The following PATZ1 variants were observed in gnomAD, a reference collection of about 807,000 sequenced individuals.
PATZ1 encodes POZ/BTB and AT hook containing zinc finger 1, also known as POZ-, AT hook-, and zinc finger-containing protein 1.
PATZ1 carries 9 observed loss-of-function variants against 46.2 expected under a neutral mutation model. The ratio of observed to expected loss-of-function variants is 0.19; its 90% confidence interval spans 0.12 to 0.34. The LOEUF (loss-of-function observed/expected upper bound fraction) is 0.34, where lower values mean the gene tolerates loss of function less well. PATZ1 is among the 10% of genes least tolerant of loss of function. PATZ1 has a pLI of 1.00. For missense variants in PATZ1, 632 were observed against 923.0 expected (o/e 0.68, Z 4.08); for synonymous variants, 426 against 378.6 (o/e 1.13, Z -1.45).
At chr22:31,336,800 C>G (rs2049515925) in intron 2 of PATZ1, among the ~76,000 whole-genome samples, 1 of 127,388 alleles carries the variant, frequency 7.9e-6, no homozygotes, top group Non-Finnish European at 1.6e-5. Context: ...GTCAAGACTT[C>G]CTCTCAAAAA....
chr22:31,344,962 C>G lies in PATZ1; in HGVS notation c.641G>C (p.Arg214Pro). The G allele has an allele frequency of 6.2e-7, 1 of 1,613,830 alleles. No homozygotes were observed. The highest frequency in any genetic ancestry group is 8.5e-7 in the Non-Finnish European group (1 of 1,180,046). ...GCCTGCAATGGCTGCACCAGCCGCC[C>G]GAGCTGCCTCCTCCTCTGGCTGCAT... ...GSMQPEEEAA[R>P]AAGAAIAGQA... Residue 214 changes from arginine (R) to proline (P), a missense_variant, in exon 1 of 5, where the codon CGG becomes CCG. Around this residue, in one of 7 missense-constraint regions of PATZ1, gnomAD observed 279 missense variants for 284.3 expected, o/e 0.98. Coordinates refer to ENST00000266269, the MANE Select transcript of PATZ1 (RefSeq NM_014323.3).
chr22:31,342,245 G>C (rs1228123270), intron 2 of PATZ1, among the ~76,000 whole-genome samples: 2 of 152,134 alleles, frequency 1.3e-5, no homozygotes, highest in African/African-American at 2.4e-5. Context: ...CCAAGGGTGA[G>C]AATCTATCTG....
chr22:31,342,579 A>G (rs1034065354), intron 2 of PATZ1, among the ~76,000 whole-genome samples: 1 of 152,122 alleles, frequency 6.6e-6, no homozygotes, highest in Non-Finnish European at 1.5e-5. Flanking sequence ...TCCCAACACA[A>G]CATCTGTGTG....
chr22:31,340,338 C>T (rs180694929), intron 2 of PATZ1, among the ~76,000 whole-genome samples: 1 of 152,212 alleles, frequency 6.6e-6, no homozygotes. Context: ...ATGAGCGATA[C>T]GGACTGTGCC....
intron 3 of PATZ1, among the ~76,000 whole-genome samples, chr22:31,331,328 AG>A (rs2145813375): frequency 1.3e-5 from 2 of 149,898 alleles, no homozygotes; most frequent in African/African-American, 5.0e-5. Flanking sequence ...ATACCACTTT[AG>A]AAGGTAATTT....
chr22:31,336,785 A>C lies in PATZ1; in HGVS notation c.1336-922T>G, dbSNP rs1184419223. On this transcript the variant is annotated intron_variant, in intron 2 of 4. Transcript: ENST00000266269. ...CGTGTCACTGCACTCCAGCCTGGGC[A>C]ACAAGTCAAGACTTCCTCTCAAAAA... 4.1e-5 allele frequency among the ~76,000 whole-genome samples: 6 copies of C among 145,670 alleles called. No individual in the cohort carries two copies. The East Asian group carries it at 1.0e-3, about 25-fold the overall frequency.
At chr22:31,341,976 C>T (rs950043658) in intron 2 of PATZ1, among the ~76,000 whole-genome samples, 1 of 152,286 alleles carries the variant, frequency 6.6e-6, no homozygotes, top group East Asian at 1.9e-4. Context: ...TTCATCCCTC[C>T]CTGCTGGTCT....
chr22:31,344,387 C>G lies in PATZ1; in HGVS notation c.1216G>C (p.Asp406His). 6.2e-7 allele frequency: 1 copy of G among 1,614,082 alleles called. No individual in the cohort carries two copies. The highest frequency in any genetic ancestry group is 8.5e-7 in the Non-Finnish European group (1 of 1,179,962). ...DRMSYHVRSH[D>H]GSVGKPYICQ... ...ATGTAAGGCTTGCCCACGGACCCAT[C>G]ATGGGACCGCACATGGTAGGACATG... The change falls in exon 1 of 5, where the codon GAT becomes CAT. Residue 406 changes from aspartate (D) to histidine (H), a missense_variant. Physicochemically the swap from Asp to His is moderately conservative, Grantham distance 81. Around this residue, in one of 7 missense-constraint regions of PATZ1, gnomAD observed 55 missense variants for 169.0 expected, o/e 0.33. Coordinates refer to ENST00000266269, the MANE Select transcript of PATZ1 (RefSeq NM_014323.3).
chr22:31,340,747 C>T (rs1415996384), intron 2 of PATZ1: 1 of 1,052,500 alleles, frequency 9.5e-7, no homozygotes, highest in Non-Finnish European at 1.1e-6. Flanking sequence ...AAGGGCACAC[C>T]AATAAGGATC....
chr22:31,326,958 G>A lies in PATZ1; in HGVS notation c.1997C>T (p.Ser666Leu), dbSNP rs751943596. 7 of 1,613,984 alleles carry A rather than the reference G, an allele frequency of 4.3e-6. No individual in the cohort carries two copies. The highest frequency in any genetic ancestry group is 2.2e-5 in the East Asian group (1 of 44,874). Residue 666 changes from serine (S) to leucine (L), a missense_variant, in exon 5 of 5, where the codon TCG becomes TTG. By Grantham distance (145) the Ser-to-Leu change is moderately radical. Around this residue, in one of 7 missense-constraint regions of PATZ1, gnomAD observed 176 missense variants for 249.4 expected, o/e 0.71. Coordinates refer to ENST00000266269, the MANE Select transcript of PATZ1 (RefSeq NM_014323.3). ...LESFGFQIVQ[S>L]AFASSLVDPE... is the part of the protein sequence containing the mutation. ...ATCTACTAAAGATGACGCAAATGCC[G>A]ACTGAACAATCTGAAACCCAAAGGA...
At chr22:31,338,488 G>A (rs761643621) in intron 2 of PATZ1, among the ~76,000 whole-genome samples, 1 of 152,202 alleles carries the variant, frequency 6.6e-6, no homozygotes, top group East Asian at 1.9e-4. Context: ...GCCACATGTG[G>A]GCCCCACGTC....
In PATZ1 at chr22:31,325,988, T is replaced by A. The variant is rs978172986; in HGVS notation, c.*903A>T. 3.3e-5 allele frequency: 7 copies of A among 212,140 alleles called. No individual in the cohort carries two copies. Among genetic ancestry groups the A allele is most frequent in the African/African-American group, 1.6e-4 (7 of 44,136 alleles). 13.1% of individuals were successfully genotyped at this position (212,140 alleles called of 1,614,324 possible). On this transcript the variant is annotated 3_prime_UTR_variant, in exon 5 of 5. Coordinates refer to ENST00000266269, the MANE Select transcript of PATZ1 (RefSeq NM_014323.3). Reference sequence around the variant, plus strand: ...CTTCCCTGACCAGACTGGCATTTTTTAAAATTTTGCATAAAACTATTTCTT... The same window carrying A: ...CTTCCCTGACCAGACTGGCATTTTTAAAAATTTTGCATAAAACTATTTCTT...
intron 1 of PATZ1, chr22:31,343,476 C>G (rs1184241278): frequency 1.0e-6 from 1 of 984,888 alleles, no homozygotes; most frequent in Admixed American, 6.1e-5. Flanking sequence ...CAGATGCCCG[C>G]CTGAGCAGGT....
chr22:31,342,623 C>G (rs1859677), intron 2 of PATZ1, among the ~76,000 whole-genome samples: 5,590 of 152,204 alleles, frequency 0.037, 480 homozygotes, highest in East Asian at 0.36. Context: ...CGGCAAACAC[C>G]AGGAGAGGAA....
intron 2 of PATZ1, chr22:31,340,990 C>T (rs963698933): frequency 4.7e-6 from 5 of 1,073,126 alleles, no homozygotes; most frequent in South Asian, 4.5e-5. Flanking sequence ...CTCTGGAGGC[C>T]GACTCACTCG....
chr22:31,330,767 G>A (rs2049431717), intron 3 of PATZ1, among the ~76,000 whole-genome samples: 1 of 152,182 alleles, frequency 6.6e-6, no homozygotes, highest in South Asian at 2.1e-4. Context: ...GGGTTAATTG[G>A]TTCCTGTGTC....
rs749529934 is a variant in PATZ1 at position 31,344,703 on chromosome 22, C to T, written c.900G>A (p.Val300=). Residue 300 remains valine (V), a synonymous_variant, in exon 1 of 5, where the codon GTG becomes GTA. Transcript: ENST00000266269. ...GCCGGAGCCGGTTGGCATCAGTGAA[C>T]ACCTTACCACATAGACCGCATGGAA... ...GILPCGLCGK[V]FTDANRLRQH... is the part of the protein sequence containing the mutation. 1.2e-6 allele frequency: 2 copies of T among 1,613,498 alleles called. No individual in the cohort carries two copies. Among genetic ancestry groups the T allele is most frequent in the South Asian group, 1.1e-5 (1 of 91,044 alleles).
At chr22:31,335,964 A>G in intron 2 of PATZ1, 101 bp from the exon 3 acceptor site, 1 of 1,042,918 alleles carries the variant, frequency 9.6e-7, no homozygotes, top group Non-Finnish European at 1.4e-6. Context: ...TGGCCATCAC[A>G]TGACCTCCCT....
At chr22:31,329,102 G>T (rs2049405409) in intron 3 of PATZ1, among the ~76,000 whole-genome samples, 178 bp from the exon 4 acceptor site, 1 of 152,238 alleles carries the variant, frequency 6.6e-6, no homozygotes, top group South Asian at 2.1e-4. Context: ...TCAGGATGGA[G>T]GGTGGCACTG....
Sources: gnomAD v4.1 joint callset for allele counts (sites outside exome capture counted in the v4.1 genomes callset) on GRCh38, gnomAD v4.1.1 for gene constraint, gnomAD v4.1.1 regional missense constraint, MANE v1.5 for transcripts, NCBI Gene and HGNC (gene_info 2026-07-23, HGNC 2026-07-21) for gene names.